The following FSTL5 variants were observed in gnomAD, a reference collection of about 807,000 sequenced individuals.
The protein encoded by FSTL5 is follistatin-related protein 5.
A neutral mutation model predicts 89.1 loss-of-function variants in FSTL5; 62 were observed. The ratio of observed to expected loss-of-function variants is 0.70; its 90% CI spans 0.57 to 0.86. The LOEUF (loss-of-function observed/expected upper bound fraction) is 0.86. Among genes scored for constraint, FSTL5 ranks in the 40% least tolerant of loss-of-function variants. The pLI is 0.00. For synonymous variants in FSTL5, 383 were observed against 346.2 expected, an observed-to-expected ratio of 1.11 and a Z score of -1.18; for missense variants, 1,057 against 1,001.6, an observed-to-expected ratio of 1.06 and a Z score of -0.75.
In FSTL5 at chr4:161,481,015, C is replaced by A; in HGVS notation, c.1608+5G>T. The A allele has an allele frequency of 6.3e-7, 1 of 1,598,682 alleles. No individual in the cohort carries two copies. Among genetic ancestry groups the A allele is most frequent in the South Asian group, 1.1e-5 (1 of 88,702 alleles). The stretch of plus-strand genomic sequence containing the variant: ...TACTTTTTAAAAAGTAGTAATTATT[C>A]ATACCTGAACAACTTTTTGGGACTG... On this transcript the variant is annotated splice_donor_5th_base_variant and intron_variant, in intron 13 of 15. Coordinates refer to ENST00000306100, the MANE Select transcript of FSTL5 (RefSeq NM_020116.5).
At chr4:161,656,255 C>T in intron 7 of FSTL5, 73 bp downstream of exon 7, 1 of 743,174 alleles carries the variant, frequency 1.3e-6, no homozygotes, top group Non-Finnish European at 2.0e-6. Context: ...ATTAAGCTCC[C>T]CTGACATCAC....
chr4:161,652,235 G>A lies in FSTL5; in HGVS notation c.894+4093C>T, dbSNP rs78626881. On this transcript the variant is annotated intron_variant, in intron 7 of 15. Transcript: ENST00000306100. The stretch of plus-strand genomic sequence containing the variant: ...GAGGATCACTTGAGGCTAGGATTTC[G>A]AGACCAGCCTGGCCAGCCCAGAAAC... Among the ~76,000 whole-genome samples the A allele has an allele frequency of 9.9e-3, 1,508 of 152,176 alleles. 23 individuals carry two copies. The highest frequency in any genetic ancestry group is 0.034 in the African/African-American group (1,413 of 41,524).
intron 4 of FSTL5, among the ~76,000 whole-genome samples, chr4:161,863,786 C>A (rs1731993753): frequency 6.6e-6 from 1 of 152,178 alleles, no homozygotes; most frequent in African/African-American, 2.4e-5. Context: ...GAGCCAACAG[C>A]CATTTCTCCA....
At chr4:161,601,329 G>T (rs1158827850) in intron 7 of FSTL5, among the ~76,000 whole-genome samples, 1 of 107,536 alleles carries the variant, frequency 9.3e-6, no homozygotes. Context: ...TAAATAGTTG[G>T]AAAAAAAAAA....
chr4:161,423,147 T>C (rs1732045595), intron 15 of FSTL5, among the ~76,000 whole-genome samples: 1 of 152,190 alleles, frequency 6.6e-6, no homozygotes, highest in East Asian at 1.9e-4. Context: ...GGAAACAGAT[T>C]TCAAAGCCAT....
At chr4:162,051,262 C>T (rs1210618975) in intron 2 of FSTL5, among the ~76,000 whole-genome samples, 3 of 151,306 alleles carry the variant, frequency 2.0e-5, no homozygotes, top group Non-Finnish European at 4.4e-5. Context: ...GCATCATCAA[C>T]ATATAATCAT....
chr4:161,697,213 G>A (rs1043303169), intron 6 of FSTL5, among the ~76,000 whole-genome samples: 2 of 152,122 alleles, frequency 1.3e-5, no homozygotes, highest in Non-Finnish European at 2.9e-5. Context: ...AATGGGGACG[G>A]GAAGTGCTAT....
At chr4:161,659,922 T>G (rs1736648230) in intron 6 of FSTL5, among the ~76,000 whole-genome samples, 1 of 152,156 alleles carries the variant, frequency 6.6e-6, no homozygotes, top group South Asian at 2.1e-4. Flanking sequence ...GCACCAATCA[T>G]TTTATACCCC....
chr4:161,951,604 C>G (rs1040858618), intron 3 of FSTL5, among the ~76,000 whole-genome samples: 2 of 151,984 alleles, frequency 1.3e-5, no homozygotes, highest in African/African-American at 4.8e-5. Flanking sequence ...TGTGTACTAA[C>G]TAATCCTGAA....
intron 4 of FSTL5, among the ~76,000 whole-genome samples, chr4:161,857,111 C>T (rs1731745644): frequency 6.6e-6 from 1 of 152,104 alleles, no homozygotes. Flanking sequence ...GGGCATTTGA[C>T]TTGCCTTTTG....
chr4:161,544,950 A>G (rs1313042806), intron 8 of FSTL5, among the ~76,000 whole-genome samples: 1 of 152,014 alleles, frequency 6.6e-6, no homozygotes, highest in Non-Finnish European at 1.5e-5. Context: ...TTTTTCAATT[A>G]TATAATCATT....
intron 4 of FSTL5, among the ~76,000 whole-genome samples, chr4:161,890,533 C>A (rs1482214693): frequency 6.6e-6 from 1 of 151,656 alleles, no homozygotes; most frequent in Non-Finnish European, 1.5e-5. Context: ...ACTAAAAATA[C>A]AAAAATTAGC....
At chr4:161,828,136 G>A (rs1031405339) in intron 4 of FSTL5, among the ~76,000 whole-genome samples, 3 of 152,204 alleles carry the variant, frequency 2.0e-5, no homozygotes, top group Admixed American at 1.3e-4. Context: ...GGCACTTCCT[G>A]TCGGGTCTTC....
chr4:161,787,806 T>C (rs926029744), intron 4 of FSTL5, among the ~76,000 whole-genome samples: 7 of 152,192 alleles, frequency 4.6e-5, no homozygotes, highest in African/African-American at 1.2e-4. Context: ...TGATATGGTA[T>C]TGACATGTTC....
chr4:161,813,308 T>C (rs1011613814), intron 4 of FSTL5, among the ~76,000 whole-genome samples: 5 of 152,050 alleles, frequency 3.3e-5, no homozygotes, highest in Admixed American at 1.3e-4. Flanking sequence ...GGATTACAAG[T>C]GTGAGCCACC....
At chr4:161,901,069 T>C (rs1178757230) in intron 4 of FSTL5, among the ~76,000 whole-genome samples, 1 of 152,116 alleles carries the variant, frequency 6.6e-6, no homozygotes, top group Non-Finnish European at 1.5e-5. Flanking sequence ...TTTTCAACTT[T>C]TGTTTATTCA....
intron 8 of FSTL5, 118 bp downstream of exon 8, chr4:161,587,337 A>T: frequency 1.2e-6 from 1 of 803,018 alleles, no homozygotes; most frequent in Non-Finnish European, 2.0e-6. Context: ...TTATCAGTTG[A>T]GTCTCAAAAC....
chr4:161,916,619 A>T (rs1465215627), intron 4 of FSTL5, among the ~76,000 whole-genome samples: 2 of 152,344 alleles, frequency 1.3e-5, no homozygotes, highest in Admixed American at 6.5e-5. Flanking sequence ...CTGTTATTTC[A>T]TAATCAAATA....
intron 6 of FSTL5, among the ~76,000 whole-genome samples, chr4:161,726,779 T>C (rs1039240110): frequency 2.0e-5 from 3 of 151,890 alleles, no homozygotes; most frequent in Non-Finnish European, 4.4e-5. Flanking sequence ...TATATACATA[T>C]ATATATTTCC....
Sources: allele counts gnomAD v4.1 joint callset (sites outside exome capture counted in the v4.1 genomes callset), GRCh38; gene constraint gnomAD v4.1.1; transcripts MANE v1.5; gene names NCBI Gene and HGNC (gene_info 2026-07-23, HGNC 2026-07-21).